The following SLC16A9 variants were observed in gnomAD, a reference collection of about 807,000 sequenced individuals.
SLC16A9 encodes the protein solute carrier family 16 member 9, also known as monocarboxylate transporter 9.
In SLC16A9, 26 loss-of-function variants were observed where a neutral mutation model predicts 44.3. The ratio of observed to expected loss-of-function variants is 0.59; its 90% CI spans 0.43 to 0.81. The LOEUF is 0.81. SLC16A9 is among the 40% of genes least tolerant of loss of function. SLC16A9 has a pLI of 0.00. For synonymous variants in SLC16A9, 230 were observed against 225.1 expected (o/e 1.02, Z -0.19); for missense variants, 559 against 595.8 (o/e 0.94, Z 0.64).
intron 1 of SLC16A9, among the ~76,000 whole-genome samples, chr10:59,702,589 T>C (rs549508870): frequency 6.6e-6 from 1 of 152,214 alleles, no homozygotes; most frequent in East Asian, 1.9e-4. Context: ...ATTGTCAACA[T>C]CTGCTCTGAA....
chr10:59,679,664 C>A (rs1171600), intron 2 of SLC16A9, among the ~76,000 whole-genome samples: 86,663 of 152,016 alleles, frequency 0.57, 25,283 homozygotes, highest in East Asian at 0.81. Context: ...AAATAACTTC[C>A]CAGCAACACC....
intron 5 of SLC16A9, 150 bp from the exon 6 acceptor site, chr10:59,653,100 G>A: frequency 1.8e-6 from 1 of 569,994 alleles, no homozygotes; most frequent in South Asian, 4.0e-5. Flanking sequence ...GTTAGAAGAA[G>A]AGAATCTCTC....
chr10:59,707,185 G>A (rs1277050105), intron 1 of SLC16A9, among the ~76,000 whole-genome samples: 1 of 149,332 alleles, frequency 6.7e-6, no homozygotes, highest in South Asian at 2.2e-4. Flanking sequence ...TGGTGAAGTC[G>A]AGGCTGCAGT....
At chr10:59,671,247 A>G (rs1191158433) in intron 3 of SLC16A9, among the ~76,000 whole-genome samples, 1 of 152,144 alleles carries the variant, frequency 6.6e-6, no homozygotes, top group Non-Finnish European at 1.5e-5. Context: ...CTCAGACCTG[A>G]GCCTGTTTTC....
At chr10:59,691,112 A>G (rs1278860366) in intron 1 of SLC16A9, among the ~76,000 whole-genome samples, 1 of 152,194 alleles carries the variant, frequency 6.6e-6, no homozygotes, top group Non-Finnish European at 1.5e-5. Context: ...AAATAAATGA[A>G]TGAAACAAGA....
At chr10:59,681,307 A>G (rs997552512) in intron 2 of SLC16A9, among the ~76,000 whole-genome samples, 8 of 151,760 alleles carry the variant, frequency 5.3e-5, no homozygotes, top group Non-Finnish European at 1.2e-4. Flanking sequence ...TTTGCATCTT[A>G]ATTTATGCTA....
chr10:59,652,927 T>G lies in SLC16A9; in HGVS notation c.1375A>C (p.Thr459Pro). The G allele has an allele frequency of 6.2e-7, 1 of 1,607,382 alleles. No homozygotes were observed. Among genetic ancestry groups the G allele is most frequent in the East Asian group, 2.2e-5 (1 of 44,812 alleles). Reference protein sequence around the residue: ...IVGWFYDWTQTYDIAFYFSGF... With the variant: ...IVGWFYDWTQPYDIAFYFSGF... The stretch of plus-strand genomic sequence containing the variant: ...CTAAAATAAAATGCAATATCATAGG[T>G]CTGGGTCCAGTCATAAAACCAACCT... The change falls in exon 6 of 6, where the codon ACC becomes CCC. Residue 459 changes from threonine (T) to proline (P), a missense_variant. Physicochemically the swap from Thr to Pro is conservative, Grantham distance 38 (BLOSUM62 -1). Transcript: ENST00000395348.
At chr10:59,699,949 TACC>T (rs1840487108) in intron 1 of SLC16A9, among the ~76,000 whole-genome samples, 1 of 149,812 alleles carries the variant, frequency 6.7e-6, no homozygotes, top group African/African-American at 2.5e-5. Flanking sequence ...CACACATTAG[TACC>T]ACATCTCTCC....
At chr10:59,697,335 T>C (rs1473880584) in intron 1 of SLC16A9, among the ~76,000 whole-genome samples, 2 of 150,498 alleles carry the variant, frequency 1.3e-5, no homozygotes, top group African/African-American at 4.8e-5. Context: ...ATGGCTGCCG[T>C]GTCTGTGTAG....
chr10:59,654,310 C>T lies in SLC16A9; in HGVS notation c.716G>A (p.Arg239Lys). ...CCAGTCACCATTGGCTAACGTGATCCTGCATTTTTCCTCACTACTGTAGCT... is the reference window on the plus strand; with the variant it reads ...CCAGTCACCATTGGCTAACGTGATCTTGCATTTTTCCTCACTACTGTAGCT... ...DKSYSSEEKCRITLANGDWKQ... is the reference protein window; with the variant it reads ...DKSYSSEEKCKITLANGDWKQ... The change falls in exon 5 of 6, where the codon AGG becomes AAG. Residue 239 changes from arginine (R) to lysine (K), a missense_variant. By Grantham distance (26) the Arg-to-Lys change is conservative. Transcript: ENST00000395348. 6.2e-7 allele frequency: 1 copy of T among 1,614,156 alleles called. No homozygotes were observed. Among genetic ancestry groups the T allele is most frequent in the Non-Finnish European group, 8.5e-7 (1 of 1,180,020 alleles).
At position 59,651,372 on chromosome 10, in the gene SLC16A9, C is replaced by T. The variant is rs149902082; in HGVS notation, c.*1400G>A. On this transcript the variant is annotated 3_prime_UTR_variant, in exon 6 of 6. Coordinates refer to ENST00000395348, the MANE Select transcript of SLC16A9 (RefSeq NM_194298.3). Reference sequence around the variant, plus strand: ...ACTTGGCTATTGGTTTATAAAATCCCCTGACCTCTTGGGTTTTAAAAAAAT... The same window carrying T: ...ACTTGGCTATTGGTTTATAAAATCCTCTGACCTCTTGGGTTTTAAAAAAAT... 386 of 152,096 alleles carry T rather than the reference C, an allele frequency of 2.5e-3. 2 individuals are homozygous for T. The highest frequency in any genetic ancestry group is 8.8e-3 in the African/African-American group (367 of 41,502). 9.4% of individuals were successfully genotyped at this position (152,096 alleles called of 1,614,324 possible). A position where few individuals can be genotyped will look rare whatever the true frequency, so the allele number is the denominator to read the frequency against.
chr10:59,680,601 T>C (rs1157713756), intron 2 of SLC16A9, among the ~76,000 whole-genome samples: 1 of 152,076 alleles, frequency 6.6e-6, no homozygotes, highest in African/African-American at 2.4e-5. Context: ...TATCAGAGAG[T>C]TATCAAAAAG....
chr10:59,672,128 A>G (rs1839764055), intron 3 of SLC16A9, among the ~76,000 whole-genome samples: 1 of 152,114 alleles, frequency 6.6e-6, no homozygotes, highest in Non-Finnish European at 1.5e-5. Context: ...GATTTTTAAC[A>G]CTGAACCCAA....
In SLC16A9 at chr10:59,654,431, G is replaced by T. The variant is rs1191884675; in HGVS notation, c.595C>A (p.Pro199Thr). The T allele has an allele frequency of 2.5e-6, 4 of 1,613,160 alleles. No homozygotes were observed. The highest frequency in any genetic ancestry group is 4.5e-5 in the East Asian group (2 of 44,872). The change falls in exon 5 of 6, where the codon CCT becomes ACT. Residue 199 changes from proline (P) to threonine (T), a missense_variant. By Grantham distance (38) the Pro-to-Thr change is conservative (BLOSUM62 -1). Transcript: ENST00000395348. ...RPLQSSDCPL[P>T]KKIAPEDLPD... is the part of the protein sequence containing the mutation. Reference sequence around the variant, plus strand: ...AGATCTTCTGGAGCTATTTTTTTAGGCAAAGGACAATCAGAAGATTGGAGG... The same window carrying T: ...AGATCTTCTGGAGCTATTTTTTTAGTCAAAGGACAATCAGAAGATTGGAGG...
rs1564697807 is a variant in SLC16A9, at chr10:59,662,644, A to AAAAAAAAAAG, written c.436+1573_436+1582dup. Among the ~76,000 whole-genome samples the AAAAAAAAAAG allele has an allele frequency of 6.4e-4, 92 of 144,256 alleles. 1 individual carries two copies. The highest frequency in any genetic ancestry group is 2.3e-3 in the African/African-American group (84 of 36,212). 94.6% of individuals were successfully genotyped at this position (144,256 alleles called of 152,430 possible). A position where few individuals can be genotyped will look rare whatever the true frequency, so the allele number is the denominator to read the frequency against. On this transcript the variant is annotated intron_variant, in intron 4 of 5. Transcript: ENST00000395348. Reference sequence around the variant, plus strand: ...GCAAAACTCCATCTCAAAAAAAAAAAAAAAAAAAAGAAAAGAAAAAAAGAA... The same window carrying AAAAAAAAAAG: ...GCAAAACTCCATCTCAAAAAAAAAAAAAAAAAAAAGAAAAAAAAAGAAAAGAAAAAAAGAA...
At chr10:59,694,224 C>A (rs1276116625) in intron 1 of SLC16A9, among the ~76,000 whole-genome samples, 1 of 152,274 alleles carries the variant, frequency 6.6e-6, no homozygotes. Flanking sequence ...TAGGCGTGAG[C>A]CACCACGCCT....
intron 3 of SLC16A9, among the ~76,000 whole-genome samples, chr10:59,668,777 T>C (rs1189861058): frequency 2.0e-5 from 3 of 152,236 alleles, no homozygotes; most frequent in Non-Finnish European, 4.4e-5. Flanking sequence ...TGGCATTATG[T>C]AGATACTGCC....
At chr10:59,667,713 C>T (rs1455462220) in intron 3 of SLC16A9, among the ~76,000 whole-genome samples, 1 of 152,128 alleles carries the variant, frequency 6.6e-6, no homozygotes, top group Non-Finnish European at 1.5e-5. Flanking sequence ...ATTCCTTGGC[C>T]TCCAACCAGT....
intron 3 of SLC16A9, among the ~76,000 whole-genome samples, chr10:59,667,299 G>A (rs748722017): frequency 6.6e-6 from 1 of 152,048 alleles, no homozygotes; most frequent in African/African-American, 2.4e-5. Flanking sequence ...TTACATCTTT[G>A]TATGAGACCA....
Sources: gnomAD v4.1 joint callset for allele counts (sites outside exome capture counted in the v4.1 genomes callset) on GRCh38, gnomAD v4.1.1 for gene constraint, MANE v1.5 for transcripts, NCBI Gene and HGNC (gene_info 2026-07-23, HGNC 2026-07-21) for gene names.